The following HIVEP1 variants were observed in gnomAD, a reference collection of about 807,000 sequenced individuals.
HIVEP1 encodes the protein zinc finger protein 40.
HIVEP1 carries 36 observed loss-of-function variants against 180.0 expected under a neutral mutation model. The ratio of observed to expected loss-of-function variants is 0.20; its 90% confidence interval spans 0.15 to 0.26. The LOEUF (loss-of-function observed/expected upper bound fraction) is 0.26, where lower values mean the gene tolerates loss of function less well. Ranked by LOEUF, HIVEP1 falls within the 10% of genes least tolerant of loss-of-function variation. HIVEP1 has a pLI of 1.00. For missense variants in HIVEP1, 3,143 were observed against 3,268.7 expected (o/e 0.96, Z 0.94); for synonymous variants, 1,239 against 1,239.0 (o/e 1.00, Z 0.00).
chr6:12,110,879 T>C (rs1240745507), intron 3 of HIVEP1, among the ~76,000 whole-genome samples: 2 of 152,240 alleles, frequency 1.3e-5, no homozygotes, highest in Non-Finnish European at 2.9e-5. Flanking sequence ...ATTTCTAGCT[T>C]TTGGCTTAAA....
upstream of HIVEP1, chr6:12,008,883 T>C (rs982878423): frequency 2.6e-5 from 4 of 152,280 alleles, no homozygotes; most frequent in African/African-American, 9.7e-5. Context: ...CGGGTAAGTT[T>C]TTCTCTCGGT....
intron 2 of HIVEP1, among the ~76,000 whole-genome samples, chr6:12,034,144 T>G (rs1315108330): frequency 1.3e-5 from 2 of 152,224 alleles, no homozygotes; most frequent in Admixed American, 1.3e-4. Flanking sequence ...TTATAAACAT[T>G]AGATAGTCTT....
At chr6:12,167,974 T>C (rs56201642), downstream of HIVEP1, among the ~76,000 whole-genome samples, 1 of 120,332 alleles carries the variant, frequency 8.3e-6, no homozygotes, top group African/African-American at 3.0e-5. Flanking sequence ...ATATTATATA[T>C]ACATGTACAT....
chr6:12,045,893 T>C (rs1581570284), intron 2 of HIVEP1, among the ~76,000 whole-genome samples: 2 of 152,370 alleles, frequency 1.3e-5, no homozygotes, highest in Admixed American at 6.5e-5. Context: ...CCAATAATTG[T>C]CTTTATGCTT....
In HIVEP1 at chr6:12,161,807, A is replaced by C. The variant is rs1760422684; in HGVS notation, c.6856A>C (p.Asn2286His). 6.2e-7 allele frequency: 1 copy of C among 1,614,136 alleles called. No homozygotes were observed. The change falls in exon 8 of 9, where the codon AAC becomes CAC. Residue 2286 changes from asparagine to histidine, a missense_variant. Transcript: ENST00000379388. ...CAGGCAGCGTGCTGCGAGAGATGAA[A>C]ACGACACAATTCCGTCTGTAGACAC... ...KARQRAARDE[N>H]DTIPSVDTSR...
intron 8 of HIVEP1, among the ~76,000 whole-genome samples, chr6:12,162,131 G>T (rs1449584215): frequency 6.6e-6 from 1 of 150,952 alleles, no homozygotes; most frequent in East Asian, 1.9e-4. Context: ...AAGCAGTTCA[G>T]ATATTTTATT....
chr6:12,099,261 G>A (rs758810691), intron 3 of HIVEP1, among the ~76,000 whole-genome samples: 3 of 150,644 alleles, frequency 2.0e-5, no homozygotes, highest in African/African-American at 4.9e-5. Context: ...GGCTCACTGC[G>A]GGTTCACGCC....
chr6:12,206,130 T>TTTTTGA, the HIVEP1 span, among the ~76,000 whole-genome samples: 2 of 152,092 alleles, frequency 1.3e-5, no homozygotes, highest in South Asian at 4.2e-4. Flanking sequence ...TTTATTTTTG[T>TTTTTGA]TTTTGTTTTT....
intron 4 of HIVEP1, among the ~76,000 whole-genome samples, chr6:12,127,801 G>C (rs148109197): frequency 8.6e-4 from 131 of 152,314 alleles, no homozygotes; most frequent in African/African-American, 2.8e-3. Flanking sequence ...ACAAAACACA[G>C]AAGAAGATAT....
chr6:12,029,123 A>C (rs957699000), intron 2 of HIVEP1, among the ~76,000 whole-genome samples: 1 of 152,140 alleles, frequency 6.6e-6, no homozygotes, highest in Non-Finnish European at 1.5e-5. Flanking sequence ...TATTGTTTTC[A>C]GTGTTTGGCT....
At chr6:12,098,396 A>C (rs1773895821) in intron 3 of HIVEP1, among the ~76,000 whole-genome samples, 1 of 152,110 alleles carries the variant, frequency 6.6e-6, no homozygotes, top group Non-Finnish European at 1.5e-5. Flanking sequence ...TGGGGAGAAA[A>C]ACCCAGGTTT....
chr6:12,167,684 ATAAT>A (rs1339042516), downstream of HIVEP1, among the ~76,000 whole-genome samples: 108 of 113,020 alleles, frequency 9.6e-4, 1 homozygote, highest in Non-Finnish European at 1.4e-3. Flanking sequence ...ATATATGTGT[ATAAT>A]ATATATACAT....
At chr6:12,205,686 A>G in the HIVEP1 span, among the ~76,000 whole-genome samples, 9 of 152,152 alleles carry the variant, frequency 5.9e-5, no homozygotes, top group African/African-American at 2.2e-4. Context: ...ATATAAATTA[A>G]TATTTGTAAA....
rs1254492230 is a variant in HIVEP1, at chr6:12,122,103, C to T, written c.2308C>T (p.Arg770Trp). The T allele has an allele frequency of 4.3e-6, 7 of 1,614,044 alleles. No homozygotes were observed. The highest frequency in any genetic ancestry group is 1.1e-5 in the South Asian group (1 of 91,086). ...DDKQLDSVKP[R>W]RTSLSRRGSI... ...CAAGCAACTGGATAGTGTGAAGCCGCGGAGAACCTCACTGTCAAGACGAGG... is the reference window on the plus strand; with the variant it reads ...CAAGCAACTGGATAGTGTGAAGCCGTGGAGAACCTCACTGTCAAGACGAGG... The change falls in exon 4 of 9, where the codon CGG (arginine) becomes TGG (tryptophan). Residue 770 changes from arginine to tryptophan, a missense_variant. By Grantham distance (101) the Arg-to-Trp change is moderately radical. This residue lies in a region of HIVEP1 where 32 missense variants were observed against 70.0 expected (regional missense o/e 0.46). Transcript: ENST00000379388.
upstream of HIVEP1, among the ~76,000 whole-genome samples, chr6:12,011,457 C>G (rs963498625): frequency 2.3e-3 from 342 of 151,586 alleles, 1 homozygote; most frequent in African/African-American, 7.3e-3. Context: ...GCGACCCCGC[C>G]AGGCCTTCCC....
intron 3 of HIVEP1, among the ~76,000 whole-genome samples, chr6:12,100,975 T>G (rs1381643537): frequency 1.3e-5 from 2 of 152,238 alleles, no homozygotes; most frequent in African/African-American, 2.4e-5. Flanking sequence ...AGTATGTGTT[T>G]GGTTTTCTCA....
At chr6:12,086,476 TCCC>T (rs1773131620) in intron 2 of HIVEP1, among the ~76,000 whole-genome samples, 1 of 152,124 alleles carries the variant, frequency 6.6e-6, no homozygotes, top group Non-Finnish European at 1.5e-5. Context: ...TTAACCCAGA[TCCC>T]AGTGGTGGTG....
chr6:12,155,727 T>TA (rs771884983), intron 7 of HIVEP1, among the ~76,000 whole-genome samples: 2 of 152,212 alleles, frequency 1.3e-5, no homozygotes, highest in Non-Finnish European at 2.9e-5. Context: ...ATGTTATCTT[T>TA]ATAGTAAAAT....
upstream of HIVEP1, among the ~76,000 whole-genome samples, chr6:12,009,490 T>C (rs1035833431): frequency 1.4e-4 from 21 of 152,216 alleles, no homozygotes; most frequent in African/African-American, 5.1e-4. Flanking sequence ...GGGCAGAGAA[T>C]GGTCACTTGC....
Sources: allele counts gnomAD v4.1 joint callset (sites outside exome capture counted in the v4.1 genomes callset), GRCh38; gene constraint gnomAD v4.1.1; regional missense constraint gnomAD v4.1.1; transcripts MANE v1.5; gene names NCBI Gene and HGNC (gene_info 2026-07-23, HGNC 2026-07-21).